Variants in MAX observed in about 807,000 individuals in gnomAD.
MAX encodes the protein protein max.
MAX carries 3 observed loss-of-function variants against 22.3 expected under a neutral mutation model. That is an observed-to-expected ratio of 0.13 (90% CI 0.06 to 0.35). MAX has a LOEUF of 0.35. Among genes scored for constraint, MAX ranks in the 10% least tolerant of loss-of-function variants. The pLI is 1.00. For missense variants in MAX, 119 were observed against 209.4 expected, an observed-to-expected ratio of 0.57 and a Z score of 2.66; for synonymous variants, 72 against 77.7, an observed-to-expected ratio of 0.93 and a Z score of 0.39.
At chr14:65,036,841 C>T (rs1350660308) in intron 3 of MAX, among the ~76,000 whole-genome samples, 1 of 151,752 alleles carries the variant, frequency 6.6e-6, no homozygotes, top group African/African-American at 2.4e-5. Context: ...TCTCGTCATA[C>T]TGGCCAGGCT....
In MAX at chr14:65,009,570, C is replaced by T. The variant is rs2061652954; in HGVS notation, c.172-3286G>A. ...CTCGCTCAAAGAATGCAGCATCCTT[C>T]CTTATTCCAGGCTCACCTCTCCTAC... On this transcript the variant is annotated intron_variant, in intron 3 of 3. Transcript: ENST00000341653. This position sits in a 1 kb window ranked among gnomAD's most constrained non-coding sequence, Gnocchi z 4.2. Among the ~76,000 whole-genome samples, 1 of 152,140 alleles carries T rather than the reference C, an allele frequency of 6.6e-6. No individual in the cohort carries two copies. The highest frequency in any genetic ancestry group is 6.5e-5 in the Admixed American group (1 of 15,268).
chr14:65,008,464 G>C (rs946553194), intron 3 of MAX, among the ~76,000 whole-genome samples: 2 of 152,232 alleles, frequency 1.3e-5, no homozygotes, highest in Admixed American at 1.3e-4. Context: ...TTGGTCTAGT[G>C]GGGGAGGTGG....
chr14:65,083,993 G>T, intron 3 of MAX: 2 of 1,477,488 alleles, frequency 1.4e-6, no homozygotes, highest in Non-Finnish European at 1.8e-6. Context: ...AGCAAAGGAG[G>T]CTGGAAGGTT....
In MAX at chr14:65,054,908, C is replaced by CA. The variant is rs2062697405; in HGVS notation, c.171+38799dup. Among the ~76,000 whole-genome samples the CA allele has an allele frequency of 6.6e-6, 1 of 152,190 alleles. No individual in the cohort carries two copies. Among genetic ancestry groups the CA allele is most frequent in the Non-Finnish European group, 1.5e-5 (1 of 68,032 alleles). On this transcript the variant is annotated intron_variant, in intron 3 of 3. Transcript: ENST00000341653. This position sits in a 1 kb window ranked among gnomAD's most constrained non-coding sequence, Gnocchi z 4.4. ...GTTCCAGATGGGCGGTCTGATCTGTCAAAGAGCTGTTGTGCCTTTATCCCA... is the reference window on the plus strand; with the variant it reads ...GTTCCAGATGGGCGGTCTGATCTGTCAAAAGAGCTGTTGTGCCTTTATCCCA...
intron 2 of MAX, among the ~76,000 whole-genome samples, chr14:65,101,141 G>A (rs932085033): frequency 6.6e-6 from 1 of 152,186 alleles, no homozygotes; most frequent in Non-Finnish European, 1.5e-5. Flanking sequence ...TGTGGCTTCA[G>A]CTTCACACAA....
rs753133724 is a variant in MAX, at chr14:65,054,471, G to A, written c.171+39237C>T. The A allele has an allele frequency of 3.9e-5, 45 of 1,163,950 alleles. No homozygotes were observed. The Middle Eastern group carries it at 5.9e-4, about 15-fold the overall frequency. The allele number at this position is 1,163,950 out of a possible 1,614,324, so 72.1% of individuals were successfully genotyped here. ...CCTCCTCTAGCCACATGGAGGATGGGGGGGGACGTGTGATTGCACCAGTGG... is the reference window on the plus strand; with the variant it reads ...CCTCCTCTAGCCACATGGAGGATGGAGGGGGACGTGTGATTGCACCAGTGG... On this transcript the variant is annotated intron_variant, in intron 3 of 3. Transcript: ENST00000341653. This position sits in a 1 kb window ranked among gnomAD's most constrained non-coding sequence, Gnocchi z 4.4.
chr14:65,066,252 G>A (rs746575951), intron 3 of MAX, among the ~76,000 whole-genome samples: 8 of 152,222 alleles, frequency 5.3e-5, no homozygotes, highest in Admixed American at 2.0e-4. Context: ...CAGTGAGGCC[G>A]TGATGAGTCC....
chr14:65,102,467 G>T lies in MAX; in HGVS notation c.-128C>A, dbSNP rs558419999. The T allele has an allele frequency of 1.3e-6, 2 of 1,523,250 alleles. No homozygotes were observed. The highest frequency in any genetic ancestry group is 1.8e-6 in the Non-Finnish European group (2 of 1,137,150). The allele number at this position is 1,523,250 out of a possible 1,614,324, so 94.4% of individuals were successfully genotyped here. On this transcript the variant is annotated 5_prime_UTR_variant, in exon 1 of 5. Coordinates refer to ENST00000358664, the MANE Select transcript of MAX (RefSeq NM_002382.5). ...CACACACTCACTCACTCACTCACTCGCTCTCTCACTCACACACACACACAA... is the reference window on the plus strand; with the variant it reads ...CACACACTCACTCACTCACTCACTCTCTCTCTCACTCACACACACACACAA...
At position 65,088,832 on chromosome 14, in the gene MAX, A is replaced by G. The variant is rs2063416572; in HGVS notation, c.171+4876T>C. 6.6e-6 allele frequency among the ~76,000 whole-genome samples: 1 copy of G among 152,220 alleles called. No homozygotes were observed. The highest frequency in any genetic ancestry group is 2.1e-4 in the South Asian group (1 of 4,824). Reference sequence around the variant, plus strand: ...ATATATAAAACCTCATATATTAAGTATAATATATAAATGTGTGTACATAAA... The same window carrying G: ...ATATATAAAACCTCATATATTAAGTGTAATATATAAATGTGTGTACATAAA... On this transcript the variant is annotated intron_variant, in intron 3 of 4. Transcript: ENST00000358664. The surrounding 1 kb of genome is among the most constrained non-coding windows in gnomAD (Gnocchi z 5.2).
chr14:65,008,918 C>T (rs1400621302), intron 3 of MAX, among the ~76,000 whole-genome samples: 1 of 152,202 alleles, frequency 6.6e-6, no homozygotes, highest in Non-Finnish European at 1.5e-5. Flanking sequence ...TACCCACTTG[C>T]TCTCCTGTCA....
At chr14:65,090,359 G>A (rs2139849433) in intron 3 of MAX, 1 of 152,256 alleles carries the variant, frequency 6.6e-6, no homozygotes, top group East Asian at 1.9e-4. Flanking sequence ...GTGATCTTGA[G>A]CCTGTTAACA....
chr14:65,006,978 T>C lies in MAX; in HGVS notation c.172-694A>G, dbSNP rs547886557. On this transcript the variant is annotated intron_variant, in intron 3 of 3. Transcript: ENST00000341653. Reference sequence around the variant, plus strand: ...AGTGTTCCTCCTGGGCTCGGATCCTTGTGGAAATAGAATATATCAGGGCTC... The same window carrying C: ...AGTGTTCCTCCTGGGCTCGGATCCTCGTGGAAATAGAATATATCAGGGCTC... 2.2e-4 allele frequency among the ~76,000 whole-genome samples: 33 copies of C among 152,272 alleles called. 2 individuals are homozygous for C. In the South Asian group the frequency reaches 6.6e-3, roughly 31 times the overall value.
At chr14:65,037,737 ATTTATTATTTAT>A (rs1250450265) in intron 3 of MAX, among the ~76,000 whole-genome samples, 93 of 74,400 alleles carry the variant, frequency 1.3e-3, no homozygotes, top group South Asian at 5.1e-3. Flanking sequence ...TTATTTATTT[ATTTATTATTTAT>A]TTATTTATTT....
chr14:65,026,176 G>A (rs2061977154), intron 3 of MAX, among the ~76,000 whole-genome samples: 1 of 152,186 alleles, frequency 6.6e-6, no homozygotes, highest in South Asian at 2.1e-4. Flanking sequence ...GTTGTAAATG[G>A]AGGTTTCTCC....
chr14:65,063,204 A>C (rs1195636226), intron 3 of MAX, among the ~76,000 whole-genome samples: 1 of 152,218 alleles, frequency 6.6e-6, no homozygotes, highest in Non-Finnish European at 1.5e-5. Context: ...CAGGAATGTA[A>C]TTCCTGCCCC....
intron 3 of MAX, among the ~76,000 whole-genome samples, chr14:65,021,224 A>C (rs2061880594): frequency 6.6e-6 from 1 of 152,234 alleles, no homozygotes; most frequent in Admixed American, 6.5e-5. Context: ...TAAAATTCAC[A>C]GGGAGACCAT....
At chr14:65,019,063 CTCAGG>C (rs2061836232) in intron 3 of MAX, among the ~76,000 whole-genome samples, 8 of 152,094 alleles carry the variant, frequency 5.3e-5, no homozygotes, top group Admixed American at 4.6e-4. Context: ...CCGGCTCCTA[CTCAGG>C]AGGCTGAGGC....
At position 65,102,447 on chromosome 14, in the gene MAX, ACT is replaced by A; in HGVS notation, c.-110_-109del. ...CAAGCCGAGTCCCCCCCACACACAC[ACT>A]CACTCACTCACTCACTCGCTCTCTC... On this transcript the variant is annotated 5_prime_UTR_variant, in exon 1 of 5. Coordinates refer to ENST00000358664, the MANE Select transcript of MAX (RefSeq NM_002382.5). 1 of 1,495,966 alleles carries A rather than the reference ACT, an allele frequency of 6.7e-7. No homozygotes were observed. The highest frequency in any genetic ancestry group is 9.0e-7 in the Non-Finnish European group (1 of 1,111,672). The allele number at this position is 1,495,966 out of a possible 1,614,324, so 92.7% of individuals were successfully genotyped here.
rs915571568 is a variant in MAX at position 65,093,308 on chromosome 14, A to G, written c.171+400T>C. 7.0e-5 allele frequency among the ~76,000 whole-genome samples: 3 copies of G among 42,802 alleles called. No homozygotes were observed. Among genetic ancestry groups the G allele is most frequent in the Non-Finnish European group, 1.2e-4 (3 of 24,944 alleles). The allele number at this position is 42,802 out of a possible 152,430, so 28.1% of individuals were successfully genotyped here. On this transcript the variant is annotated intron_variant, in intron 3 of 4. Coordinates refer to ENST00000358664, the MANE Select transcript of MAX (RefSeq NM_002382.5). This position sits in a 1 kb window ranked among gnomAD's most constrained non-coding sequence, Gnocchi z 4.4. Reference sequence around the variant, plus strand: ...TTTCTGCAAGTGCTCATTTACAATAAAGTATTAACTTTGAACCATAGGAAA... The same window carrying G: ...TTTCTGCAAGTGCTCATTTACAATAGAGTATTAACTTTGAACCATAGGAAA...
Sources: gnomAD v4.1 joint callset for allele counts (sites outside exome capture counted in the v4.1 genomes callset) on GRCh38, gnomAD v4.1.1 for gene constraint, Gnocchi (gnomAD v3.1) non-coding constraint, MANE v1.5 for transcripts, NCBI Gene and HGNC (gene_info 2026-07-23, HGNC 2026-07-21) for gene names.